MARCHF8: variants seen among roughly 807,000 people sequenced by gnomAD.
MARCHF8 encodes the protein E3 ubiquitin-protein ligase MARCHF8.
A neutral mutation model predicts 51.6 loss-of-function variants in MARCHF8; 40 were observed. That is an observed-to-expected ratio of 0.77 (90% confidence interval 0.60 to 1.01). The LOEUF (loss-of-function observed/expected upper bound fraction) is 1.01. MARCHF8 is among the 50% of genes least tolerant of loss of function. The pLI is 0.00. For missense variants in MARCHF8, 685 were observed against 708.6 expected (o/e 0.97, Z 0.38); for synonymous variants, 263 against 280.3 (o/e 0.94, Z 0.62).
chr10:45,493,550 C>T (rs2043121834), intron 2 of MARCHF8, among the ~76,000 whole-genome samples: 2 of 152,166 alleles, frequency 1.3e-5, no homozygotes, highest in Non-Finnish European at 2.9e-5. Flanking sequence ...CTCTAGATTT[C>T]ATTTGTTTTC....
At chr10:45,502,006 T>C (rs1051206415) in intron 2 of MARCHF8, among the ~76,000 whole-genome samples, 1 of 152,084 alleles carries the variant, frequency 6.6e-6, no homozygotes, top group East Asian at 1.9e-4. Flanking sequence ...GTTGAGGATA[T>C]AAAGAAACTA....
chr10:45,562,974 G>A (rs764434572), intron 1 of MARCHF8, among the ~76,000 whole-genome samples: 1 of 151,136 alleles, frequency 6.6e-6, no homozygotes, highest in Non-Finnish European at 1.5e-5. Flanking sequence ...AAACATAGAT[G>A]AGGGATGCAA....
At chr10:45,459,396 C>A in intron 6 of MARCHF8, 129 bp from the exon 7 acceptor site, 1 of 1,086,388 alleles carries the variant, frequency 9.2e-7, no homozygotes, top group Non-Finnish European at 1.3e-6. Flanking sequence ...TGCATTCCCC[C>A]AAGTATTGTT....
In MARCHF8 at chr10:45,464,263, G is replaced by T; in HGVS notation, c.218C>A (p.Thr73Lys). 6.2e-7 allele frequency: 1 copy of T among 1,614,186 alleles called. No homozygotes were observed. The change falls in exon 4 of 8, where the codon ACG becomes AAG. Residue 73 changes from threonine (T) to lysine (K), a missense_variant. Thr to Lys is a moderately conservative substitution (Grantham distance 78). Coordinates refer to ENST00000453424, the MANE Select transcript of MARCHF8 (RefSeq NM_001282866.2). ...PVSSFSRTSI[T>K]PSSQDICSSS... ...CCTGCAGATGTCCTGGCTGGATGGCGTGATAGAAGTGCGAGAGAAGGAGGA... is the reference window on the plus strand; with the variant it reads ...CCTGCAGATGTCCTGGCTGGATGGCTTGATAGAAGTGCGAGAGAAGGAGGA...
At chr10:45,478,434 A>C (rs779178565) in intron 3 of MARCHF8, among the ~76,000 whole-genome samples, 1 of 152,212 alleles carries the variant, frequency 6.6e-6, no homozygotes, top group Non-Finnish European at 1.5e-5. Context: ...CTACATCAAA[A>C]GAGTAGAAAG....
intron 7 of MARCHF8, 117 bp downstream of exon 7, chr10:45,459,003 G>C: frequency 7.5e-7 from 1 of 1,324,762 alleles, no homozygotes; most frequent in South Asian, 1.3e-5. Context: ...CCTCCTAACT[G>C]ATGTCCCTCC....
intron 3 of MARCHF8, among the ~76,000 whole-genome samples, chr10:45,479,309 A>C (rs2133034710): frequency 6.6e-6 from 1 of 152,354 alleles, no homozygotes; most frequent in South Asian, 2.1e-4. Flanking sequence ...CATGATAAAA[A>C]TTCTCAACAA....
intron 2 of MARCHF8, among the ~76,000 whole-genome samples, chr10:45,510,587 AATTT>A (rs533560879): frequency 5.3e-5 from 8 of 152,342 alleles, no homozygotes; most frequent in African/African-American, 9.6e-5. Context: ...AAACTAAGGT[AATTT>A]ATTTAAAGTA....
intron 1 of MARCHF8, among the ~76,000 whole-genome samples, chr10:45,586,134 T>C (rs2044615973): frequency 6.6e-6 from 1 of 152,166 alleles, no homozygotes; most frequent in Non-Finnish European, 1.5e-5. Context: ...GTATAAAAAG[T>C]GTATACGTAG....
intron 3 of MARCHF8, among the ~76,000 whole-genome samples, chr10:45,482,546 G>A (rs1277532286): frequency 1.3e-5 from 2 of 152,178 alleles, no homozygotes; most frequent in African/African-American, 4.8e-5. Flanking sequence ...CTGACATCAG[G>A]AGTTCAAGAC....
At chr10:45,505,487 T>C (rs2043363337) in intron 2 of MARCHF8, among the ~76,000 whole-genome samples, 1 of 152,250 alleles carries the variant, frequency 6.6e-6, no homozygotes, top group South Asian at 2.1e-4. Flanking sequence ...TTGTAATTAA[T>C]GCCAGATGTG....
At chr10:45,541,283 A>C (rs1279112782) in intron 1 of MARCHF8, among the ~76,000 whole-genome samples, 1 of 152,246 alleles carries the variant, frequency 6.6e-6, no homozygotes, top group Non-Finnish European at 1.5e-5. Flanking sequence ...ACATGGATGA[A>C]GCTGGAAACC....
intron 6 of MARCHF8, among the ~76,000 whole-genome samples, chr10:45,460,041 A>G (rs561174041): frequency 1.3e-5 from 2 of 152,346 alleles, no homozygotes; most frequent in Non-Finnish European, 2.9e-5. Flanking sequence ...TTGAGAGATT[A>G]GCATAGAGTA....
At chr10:45,562,554 A>G (rs2044322081) in intron 1 of MARCHF8, among the ~76,000 whole-genome samples, 2 of 152,218 alleles carry the variant, frequency 1.3e-5, no homozygotes, top group African/African-American at 4.8e-5. Flanking sequence ...TCAAGAACAA[A>G]GATGAAATCA....
intron 5 of MARCHF8, among the ~76,000 whole-genome samples, chr10:45,462,567 G>GTT (rs1564463253): frequency 1.3e-5 from 2 of 151,114 alleles, no homozygotes; most frequent in Non-Finnish European, 2.9e-5. Context: ...CTTATTTTTA[G>GTT]TTTAGAAGAG....
At chr10:45,471,718 C>T (rs2042693941) in intron 3 of MARCHF8, among the ~76,000 whole-genome samples, 1 of 152,224 alleles carries the variant, frequency 6.6e-6, no homozygotes, top group African/African-American at 2.4e-5. Flanking sequence ...GAGCACACTA[C>T]CGAGCAGGAG....
chr10:45,572,800 G>A (rs545430706), intron 1 of MARCHF8, among the ~76,000 whole-genome samples: 1 of 152,068 alleles, frequency 6.6e-6, no homozygotes, highest in African/African-American at 2.4e-5. Flanking sequence ...TTCTGGTAGA[G>A]ACATAGGAAA....
chr10:45,477,333 T>C (rs2042805084), intron 3 of MARCHF8, among the ~76,000 whole-genome samples: 1 of 152,178 alleles, frequency 6.6e-6, no homozygotes, highest in African/African-American at 2.4e-5. Flanking sequence ...TAAGAAATGC[T>C]TAAGGGAATC....
intron 2 of MARCHF8, 97 bp from the exon 3 acceptor site, chr10:45,489,514 C>A: frequency 8.9e-7 from 1 of 1,126,206 alleles, no homozygotes; most frequent in South Asian, 1.4e-5. Context: ...CAAATCATTC[C>A]CTGAACTAGA....
Sources: gnomAD v4.1 joint callset for allele counts (sites outside exome capture counted in the v4.1 genomes callset) on GRCh38, gnomAD v4.1.1 for gene constraint, MANE v1.5 for transcripts, NCBI Gene and HGNC (gene_info 2026-07-23, HGNC 2026-07-21) for gene names.